HIBCH: variants seen among roughly 807,000 people sequenced by gnomAD.
HIBCH encodes 3-hydroxyisobutyryl-CoA hydrolase, mitochondrial.
HIBCH carries 50 observed loss-of-function variants against 58.2 expected under a neutral mutation model. The observed-to-expected ratio is 0.86, with a 90% confidence interval of 0.68 to 1.09. The LOEUF is 1.09. HIBCH is among the 50% of genes least tolerant of loss of function. The pLI is 0.00. For synonymous variants in HIBCH, 151 were observed against 146.9 expected (o/e 1.03, Z -0.20); for missense variants, 450 against 449.7 (o/e 1.00, Z -0.01).
At chr2:190,308,611 G>A (rs1015192708) in intron 2 of HIBCH, among the ~76,000 whole-genome samples, 31 of 152,254 alleles carry the variant, frequency 2.0e-4, no homozygotes, top group African/African-American at 7.5e-4. Flanking sequence ...ACCGCCTTAG[G>A]ACTCTACAGA....
intron 6 of HIBCH, among the ~76,000 whole-genome samples, chr2:190,268,493 T>G (rs1297500432): frequency 6.6e-6 from 1 of 152,206 alleles, no homozygotes; most frequent in Non-Finnish European, 1.5e-5. Flanking sequence ...TTGGCATCCC[T>G]AAAGGCAAAA....
chr2:190,192,233 T>C (rs1232033816), intron 1 of HIBCH, among the ~76,000 whole-genome samples: 2 of 152,152 alleles, frequency 1.3e-5, no homozygotes, highest in African/African-American at 4.8e-5. Context: ...TTCATTGTTT[T>C]TGGACATGTC....
At position 190,205,013 on chromosome 2, in the gene HIBCH, T is replaced by TTA. The variant is rs1575690434; in HGVS notation, c.*103_*104insTA. 4.3e-6 allele frequency: 3 copies of TTA among 705,048 alleles called. No individual in the cohort carries two copies. Among genetic ancestry groups the TTA allele is most frequent in the Non-Finnish European group, 5.2e-6 (2 of 382,960 alleles). The allele number at this position is 705,048 out of a possible 1,614,324, so 43.7% of individuals were successfully genotyped here. A position where few individuals can be genotyped will look rare whatever the true frequency, so the allele number is the denominator to read the frequency against. The stretch of plus-strand genomic sequence containing the variant: ...AACCATTTAAAAATGCGGAAACCAT[T>TTA]CTTAGCTTACAGGGTATATAAAAAC... On this transcript the variant is annotated 3_prime_UTR_variant, in exon 14 of 14. Transcript: ENST00000359678.
intron 6 of HIBCH, among the ~76,000 whole-genome samples, chr2:190,274,944 T>C (rs1687507906): frequency 6.6e-6 from 1 of 152,242 alleles, no homozygotes; most frequent in Non-Finnish European, 1.5e-5. Flanking sequence ...AAAAGGTAAC[T>C]TGTGCTGTTT....
intron 1 of HIBCH, among the ~76,000 whole-genome samples, chr2:190,198,557 A>C (rs1690084729): frequency 6.9e-6 from 1 of 144,886 alleles, no homozygotes; most frequent in African/African-American, 2.6e-5. Context: ...ACTTGAACCC[A>C]GGAGGTCCAG....
At position 190,217,757 on chromosome 2, in the gene HIBCH, A is replaced by G. The variant is rs1685602685; in HGVS notation, c.892-4682T>C. On this transcript the variant is annotated intron_variant, in intron 11 of 13. Transcript: ENST00000359678. The surrounding 1 kb of genome is among the most constrained non-coding windows in gnomAD (Gnocchi z 4.6). The stretch of plus-strand genomic sequence containing the variant: ...CACCCAAGCTGGGAAAGTCCGTAAC[A>G]AGTGCTCCTAATCACTAAAACAGCC... Among the ~76,000 whole-genome samples, 1 of 152,190 alleles carries G rather than the reference A, an allele frequency of 6.6e-6. No individual in the cohort carries two copies. The highest frequency in any genetic ancestry group is 1.5e-5 in the Non-Finnish European group (1 of 68,026).
At chr2:190,242,400 C>CA (rs1386191355) in intron 11 of HIBCH, among the ~76,000 whole-genome samples, 1 of 151,998 alleles carries the variant, frequency 6.6e-6, no homozygotes, top group Non-Finnish European at 1.5e-5. Flanking sequence ...TGTTATTACC[C>CA]ACCTTATGAA....
chr2:190,260,461 A>G (rs1243867418), intron 7 of HIBCH: 1 of 152,196 alleles, frequency 6.6e-6, no homozygotes, highest in Admixed American at 6.5e-5. Context: ...TAAGATGTCA[A>G]TTCTCTCTAA....
rs1413194024 is a variant in HIBCH, at chr2:190,294,020, G to GTATAAATA, written c.304+525_304+526insTATTTATA. ...ATATATTTTGTAATATATATTTTGT[G>GTATAAATA]TGTATATATATATATATATATATAT... is the stretch of plus-strand genomic sequence containing the variant. On this transcript the variant is annotated intron_variant, in intron 4 of 13. Transcript: ENST00000359678. Among the ~76,000 whole-genome samples the GTATAAATA allele has an allele frequency of 1.6e-5, 2 of 125,876 alleles. 1 individual carries two copies. The highest frequency in any genetic ancestry group is 4.8e-4 in the South Asian group (2 of 4,126). 82.6% of individuals were successfully genotyped at this position (125,876 alleles called of 152,430 possible).
At chr2:190,199,883 A>G (rs1382887315), downstream of HIBCH, 4 of 1,613,724 alleles carry the variant, frequency 2.5e-6, no homozygotes. Context: ...AAATCAAAGC[A>G]AACTTTCCCA....
Position 190,214,599 on chromosome 2 carries a change from T to G in HIBCH, c.892-1524A>C, listed in dbSNP as rs865881236. The stretch of plus-strand genomic sequence containing the variant: ...GTTTGGCTCAGATGAGGACTGGGTG[T>G]GCCAAGCTTTAATTCTCTACGTGAA... On this transcript the variant is annotated intron_variant, in intron 11 of 13. Coordinates refer to ENST00000359678, the MANE Select transcript of HIBCH (RefSeq NM_014362.4). This position sits in a 1 kb window ranked among gnomAD's most constrained non-coding sequence, Gnocchi z 5.5. 5.9e-5 allele frequency: 9 copies of G among 152,218 alleles called. No individual in the cohort carries two copies. Among genetic ancestry groups the G allele is most frequent in the South Asian group, 2.1e-4 (1 of 4,826 alleles). 9.4% of individuals were successfully genotyped at this position (152,218 alleles called of 1,614,324 possible).
At chr2:190,193,307 T>C (rs1689804715) in intron 1 of HIBCH, among the ~76,000 whole-genome samples, 1 of 152,182 alleles carries the variant, frequency 6.6e-6, no homozygotes, top group African/African-American at 2.4e-5. Flanking sequence ...TCAGTCATCA[T>C]GTTTTATCCA....
Position 190,246,162 on chromosome 2 carries a change from TTTGTCCATG to T in HIBCH, c.792_800del (p.His264_Lys267delinsGln), listed in dbSNP as rs1436604679. On this transcript the variant is annotated inframe_deletion, in exon 10 of 14. Transcript: ENST00000359678. ...GATCTCTTTTTAGGTACCTGTTTAT[TTTGTCCATG>T]TGTTCCTCAAGTATAAAAGACTTGT... The T allele has an allele frequency of 5.1e-6, 8 of 1,577,614 alleles. No individual in the cohort carries two copies. The highest frequency in any genetic ancestry group is 7.0e-6 in the Non-Finnish European group (8 of 1,147,784).
intron 11 of HIBCH, among the ~76,000 whole-genome samples, chr2:190,224,137 C>A (rs1013550892): frequency 6.6e-6 from 1 of 152,184 alleles, no homozygotes; most frequent in Non-Finnish European, 1.5e-5. Context: ...GGTCCCATGC[C>A]CACGGAGCCT....
rs1320677736 is a variant in HIBCH, at chr2:190,204,393, C to T, written c.*724G>A. On this transcript the variant is annotated 3_prime_UTR_variant, in exon 14 of 14. Transcript: ENST00000359678. ...TATCACAAATAACAAGAAAATAATC[C>T]TTTCAGTTTCACCATGGGATGGTAT... The T allele has an allele frequency of 6.6e-6, 1 of 152,016 alleles. No individual in the cohort carries two copies. Among genetic ancestry groups the T allele is most frequent in the Non-Finnish European group, 1.5e-5 (1 of 67,940 alleles). The allele number at this position is 152,016 out of a possible 1,614,324, so 9.4% of individuals were successfully genotyped here.
chr2:190,288,945 T>C (rs568664354), intron 5 of HIBCH, among the ~76,000 whole-genome samples: 1 of 152,178 alleles, frequency 6.6e-6, no homozygotes, highest in African/African-American at 2.4e-5. Context: ...AACCTGTCTC[T>C]ACTTAAAATA....
At chr2:190,234,834 TAA>T (rs545454077) in intron 11 of HIBCH, among the ~76,000 whole-genome samples, 14 of 139,286 alleles carry the variant, frequency 1.0e-4, no homozygotes, top group African/African-American at 3.4e-4. Context: ...AGCAAGACTC[TAA>T]AAAAAAAAAA....
At chr2:190,276,515 G>C (rs901035575) in intron 6 of HIBCH, among the ~76,000 whole-genome samples, 3 of 152,158 alleles carry the variant, frequency 2.0e-5, no homozygotes, top group African/African-American at 4.8e-5. Context: ...CTCATGAATG[G>C]CTTGGTACAT....
chr2:190,213,520 T>C, intron 11 of HIBCH: 1 of 177,404 alleles, frequency 5.6e-6, no homozygotes, highest in Middle Eastern at 2.9e-3. Context: ...CCTGCTTCAA[T>C]AGCCAATGCC....
Sources: gnomAD v4.1 joint callset for allele counts (sites outside exome capture counted in the v4.1 genomes callset) on GRCh38, gnomAD v4.1.1 for gene constraint, Gnocchi (gnomAD v3.1) non-coding constraint, MANE v1.5 for transcripts, NCBI Gene and HGNC (gene_info 2026-07-23, HGNC 2026-07-21) for gene names.